Variants in CCDC7 observed in about 807,000 individuals in gnomAD.
CCDC7 encodes coiled-coil domain-containing protein 7.
A neutral mutation model predicts 196.9 loss-of-function variants in CCDC7; 183 were observed. That is an observed-to-expected ratio of 0.93 (90% CI 0.82 to 1.05). The LOEUF is 1.05. Among genes scored for constraint, CCDC7 ranks in the 50% least tolerant of loss-of-function variants. The pLI is 0.00. For synonymous variants in CCDC7, 525 were observed against 484.6 expected, an observed-to-expected ratio of 1.08 and a Z score of -1.10; for missense variants, 1,540 against 1,482.2, an observed-to-expected ratio of 1.04 and a Z score of -0.64.
chr10:32,836,359 AAATC>A, intron 33 of CCDC7, among the ~76,000 whole-genome samples: 1 of 152,284 alleles, frequency 6.6e-6, no homozygotes. Flanking sequence ...TATGATGAGT[AAATC>A]AATATCTAGA....
intron 2 of CCDC7, among the ~76,000 whole-genome samples, chr10:32,454,950 C>T (rs2033982633): frequency 6.6e-6 from 1 of 152,186 alleles, no homozygotes; most frequent in Non-Finnish European, 1.5e-5. Flanking sequence ...CCCTTACTTA[C>T]CCAGCTTAAA....
At chr10:32,490,995 G>A (rs1157374453) in intron 8 of CCDC7, among the ~76,000 whole-genome samples, 1 of 152,064 alleles carries the variant, frequency 6.6e-6, no homozygotes, top group Non-Finnish European at 1.5e-5. Flanking sequence ...TTTCTTGGTT[G>A]TACTTGATAT....
chr10:32,558,586 A>T (rs779793686), intron 13 of CCDC7, among the ~76,000 whole-genome samples: 2 of 152,066 alleles, frequency 1.3e-5, no homozygotes, highest in Non-Finnish European at 2.9e-5. Flanking sequence ...TCAGATAGGG[A>T]TTGCCCTCAA....
At chr10:32,605,283 A>G (rs2061459014) in intron 18 of CCDC7, among the ~76,000 whole-genome samples, 1 of 152,204 alleles carries the variant, frequency 6.6e-6, no homozygotes, top group Admixed American at 6.5e-5. Flanking sequence ...TTTTATTTAT[A>G]AATTACCCAG....
chr10:32,838,572 C>G (rs888715152), intron 33 of CCDC7, among the ~76,000 whole-genome samples: 1 of 151,900 alleles, frequency 6.6e-6, no homozygotes, highest in Non-Finnish European at 1.5e-5. Flanking sequence ...TGAGAATAAT[C>G]AAGAAAAACT....
chr10:32,677,226 GA>G (rs2075145087), intron 21 of CCDC7, among the ~76,000 whole-genome samples: 1 of 110,356 alleles, frequency 9.1e-6, no homozygotes, highest in Non-Finnish European at 1.8e-5. Context: ...GGGGTGGGGG[GA>G]GGGGGGAAGG....
At chr10:32,701,811 G>A (rs1194022710) in intron 24 of CCDC7, among the ~76,000 whole-genome samples, 1 of 152,032 alleles carries the variant, frequency 6.6e-6, no homozygotes, top group Non-Finnish European at 1.5e-5. Context: ...GCATAGAGGT[G>A]TTTATAGTAT....
chr10:32,590,539 T>C (rs554628417), intron 18 of CCDC7, among the ~76,000 whole-genome samples: 2 of 152,294 alleles, frequency 1.3e-5, no homozygotes, highest in African/African-American at 4.8e-5. Context: ...TATAGTGTTA[T>C]ACTATTCTCT....
At chr10:32,463,813 A>C (rs1441748663) in intron 5 of CCDC7, among the ~76,000 whole-genome samples, 4 of 152,242 alleles carry the variant, frequency 2.6e-5, no homozygotes, top group Admixed American at 6.5e-5. Context: ...CTCTGGTCCC[A>C]GAACAGAAGA....
chr10:32,761,475 T>C (rs2077458476), intron 28 of CCDC7, among the ~76,000 whole-genome samples: 1 of 151,950 alleles, frequency 6.6e-6, no homozygotes, highest in South Asian at 2.1e-4. Context: ...AAGTAATGAG[T>C]GTAATGAGAT....
intron 13 of CCDC7, among the ~76,000 whole-genome samples, chr10:32,555,797 C>A (rs554941523): frequency 2.0e-5 from 3 of 152,154 alleles, no homozygotes; most frequent in Non-Finnish European, 4.4e-5. Context: ...TAACTTAAAA[C>A]AGTAGAATCA....
intron 18 of CCDC7, among the ~76,000 whole-genome samples, chr10:32,605,761 A>G (rs957355610): frequency 6.6e-6 from 1 of 152,234 alleles, no homozygotes; most frequent in Non-Finnish European, 1.5e-5. Context: ...ACAGGAGCAA[A>G]GAAATGACTT....
intron 41 of CCDC7, among the ~76,000 whole-genome samples, chr10:32,870,981 G>C (rs2094406844): frequency 1.3e-5 from 2 of 152,290 alleles, no homozygotes; most frequent in Middle Eastern, 6.8e-3. Context: ...TTGATGTGCT[G>C]CTGGATTCGG....
upstream of CCDC7, among the ~76,000 whole-genome samples, chr10:32,444,389 C>T (rs2030515829): frequency 6.6e-6 from 1 of 152,210 alleles, no homozygotes; most frequent in Non-Finnish European, 1.5e-5. Flanking sequence ...ATTGTCAGCA[C>T]TGATAACTTT....
Position 32,863,728 on chromosome 10 carries a change from A to T in CCDC7, c.4111+9239A>T, listed in dbSNP as rs76313580. 7.9e-3 allele frequency among the ~76,000 whole-genome samples: 1,198 copies of T among 152,068 alleles called. 6 individuals are homozygous for T. Among genetic ancestry groups the T allele is most frequent in the Middle Eastern group, 0.02 (6 of 294 alleles). On this transcript the variant is annotated intron_variant, in intron 41 of 41. Transcript: ENST00000639629. ...AAAAATATAATTGAACTTTTATCTT[A>T]CACCATACACAAAAATCAACTCAAA... is the stretch of plus-strand genomic sequence containing the variant.
intron 18 of CCDC7, among the ~76,000 whole-genome samples, chr10:32,603,979 G>T (rs1325062829): frequency 2.6e-5 from 4 of 151,942 alleles, no homozygotes; most frequent in Non-Finnish European, 5.9e-5. Context: ...TATTTTTGTT[G>T]TTGTTGCCTG....
chr10:32,685,576 C>G (rs895034787), intron 21 of CCDC7, among the ~76,000 whole-genome samples: 2 of 152,148 alleles, frequency 1.3e-5, no homozygotes, highest in African/African-American at 4.8e-5. Context: ...TATACATTGG[C>G]TTATTCAACC....
At chr10:32,726,280 T>C (rs1305427412) in intron 25 of CCDC7, among the ~76,000 whole-genome samples, 2 of 151,804 alleles carry the variant, frequency 1.3e-5, no homozygotes, top group Non-Finnish European at 2.9e-5. Context: ...TATATAGTGA[T>C]ATGTAGAGTA....
chr10:32,564,479 T>TG (rs1387378408), intron 13 of CCDC7, among the ~76,000 whole-genome samples: 1 of 152,104 alleles, frequency 6.6e-6, no homozygotes, highest in African/African-American at 2.4e-5. Flanking sequence ...TCATAAAAAA[T>TG]GATGAGTTCA....
Sources: gnomAD v4.1 joint callset for allele counts (sites outside exome capture counted in the v4.1 genomes callset) on GRCh38, gnomAD v4.1.1 for gene constraint, MANE v1.5 for transcripts, NCBI Gene and HGNC (gene_info 2026-07-23, HGNC 2026-07-21) for gene names.